ASAP1: variants seen among roughly 807,000 people sequenced by gnomAD.
ASAP1 encodes arf-GAP with SH3 domain, ANK repeat and PH domain-containing protein 1.
ASAP1 carries 43 observed loss-of-function variants against 145.2 expected under a neutral mutation model. The observed-to-expected ratio is 0.30, with a 90% CI of 0.23 to 0.38. The LOEUF (loss-of-function observed/expected upper bound fraction) is 0.38. Ranked by LOEUF, ASAP1 falls within the 10% of genes least tolerant of loss-of-function variation. ASAP1 has a pLI of 1.00. For synonymous variants in ASAP1, 546 were observed against 515.5 expected, an observed-to-expected ratio of 1.06 and a Z score of -0.80; for missense variants, 1,018 against 1,355.3, an observed-to-expected ratio of 0.75 and a Z score of 3.91.
chr8:130,349,981 G>A (rs1274360511), intron 3 of ASAP1, among the ~76,000 whole-genome samples: 1 of 152,154 alleles, frequency 6.6e-6, no homozygotes, highest in Non-Finnish European at 1.5e-5. Flanking sequence ...TACATATATG[G>A]AAACCATCTC....
At chr8:130,261,369 T>C (rs1316708384) in intron 3 of ASAP1, among the ~76,000 whole-genome samples, 2 of 152,244 alleles carry the variant, frequency 1.3e-5, no homozygotes, top group Non-Finnish European at 1.5e-5. Context: ...AGGGCATTTC[T>C]GCCTATATGC....
chr8:130,061,894 A>T lies in ASAP1; in HGVS notation c.2702-825T>A, dbSNP rs142685548. On this transcript the variant is annotated intron_variant, in intron 27 of 29. Coordinates refer to ENST00000518721, the MANE Select transcript of ASAP1 (RefSeq NM_018482.4). Reference sequence around the variant, plus strand: ...GCTCTTTGTACAGCTCTTGGTACTTAGAAAACTATGGACATGTCTCCAATT... The same window carrying T: ...GCTCTTTGTACAGCTCTTGGTACTTTGAAAACTATGGACATGTCTCCAATT... 3.8e-3 allele frequency among the ~76,000 whole-genome samples: 578 copies of T among 152,324 alleles called. 4 individuals are homozygous for T. Among genetic ancestry groups the T allele is most frequent in the Non-Finnish European group, 5.8e-3 (394 of 68,034 alleles).
chr8:130,115,482 C>G (rs936785348), intron 23 of ASAP1, 146 bp downstream of exon 23: 12 of 670,116 alleles, frequency 1.8e-5, no homozygotes, highest in Non-Finnish European at 2.9e-5. Flanking sequence ...AAATGGTGCC[C>G]AATAAGGACT....
At chr8:130,349,117 G>C (rs1255198729) in intron 3 of ASAP1, among the ~76,000 whole-genome samples, 1 of 152,218 alleles carries the variant, frequency 6.6e-6, no homozygotes, top group African/African-American at 2.4e-5. Context: ...CCTTACTTCA[G>C]AGAGTACAGA....
At position 130,116,968 on chromosome 8, in the gene ASAP1, C is replaced by T; in HGVS notation, c.1908G>A (p.Leu636=). The T allele has an allele frequency of 6.2e-7, 1 of 1,610,666 alleles. No homozygotes were observed. ...TACAGTAGTGTAGAACTGTGTTTCC[C>T]AGGGCCGTCTGCTTATCCAGGTTCC... ...NCGNLDKQTA[L]GNTVLHYCSM... is the part of the protein sequence containing the mutation. The change falls in exon 21 of 30, where the codon CTG becomes CTA. Residue 636 remains leucine, a synonymous_variant. Transcript: ENST00000518721.
intron 5 of ASAP1, among the ~76,000 whole-genome samples, chr8:130,202,493 A>G (rs1815931063): frequency 6.6e-6 from 1 of 152,218 alleles, no homozygotes; most frequent in Non-Finnish European, 1.5e-5. Flanking sequence ...AACACACTTC[A>G]TAGGAAGTTT....
intron 4 of ASAP1, 90 bp from the exon 5 acceptor site, chr8:130,214,791 A>T: frequency 3.6e-6 from 4 of 1,105,552 alleles, no homozygotes; most frequent in Non-Finnish European, 5.1e-6. Flanking sequence ...CGAATTCTCA[A>T]AATGGAAGCA....
chr8:130,216,327 T>C (rs1816928207), intron 4 of ASAP1, among the ~76,000 whole-genome samples: 2 of 152,244 alleles, frequency 1.3e-5, no homozygotes, highest in Non-Finnish European at 1.5e-5. Flanking sequence ...ATGAGAAACA[T>C]TAATTTGTGA....
chr8:130,130,205 T>C (rs1014039623), intron 15 of ASAP1, among the ~76,000 whole-genome samples: 1 of 152,228 alleles, frequency 6.6e-6, no homozygotes, highest in Non-Finnish European at 1.5e-5. Context: ...ACTCAACCTG[T>C]AGAATCTTCT....
intron 13 of ASAP1, among the ~76,000 whole-genome samples, chr8:130,146,803 T>C (rs1057389066): frequency 2.0e-5 from 3 of 152,142 alleles, no homozygotes; most frequent in Non-Finnish European, 4.4e-5. Flanking sequence ...CTTGCTTTAG[T>C]GAAATGCCAT....
chr8:130,351,013 T>C (rs1282980194), intron 3 of ASAP1, among the ~76,000 whole-genome samples: 1 of 152,244 alleles, frequency 6.6e-6, no homozygotes, highest in Non-Finnish European at 1.5e-5. Context: ...CTTGCAGCAC[T>C]GTCTTTGATC....
chr8:130,214,522 GT>G, intron 5 of ASAP1, 33 bp downstream of exon 5: 1 of 1,553,380 alleles, frequency 6.4e-7, no homozygotes, highest in Non-Finnish European at 8.7e-7. Context: ...TGGAAAGGCT[GT>G]AATTCTTTTT....
At chr8:130,219,502 A>G (rs1406276326) in intron 4 of ASAP1, among the ~76,000 whole-genome samples, 1 of 152,134 alleles carries the variant, frequency 6.6e-6, no homozygotes, top group African/African-American at 2.4e-5. Context: ...CACAGGAATG[A>G]GTGTTTCTGA....
chr8:130,140,204 A>AT (rs566444299), intron 13 of ASAP1, among the ~76,000 whole-genome samples: 278 of 148,868 alleles, frequency 1.9e-3, no homozygotes, highest in Non-Finnish European at 3.2e-3. Context: ...GGTTATTACT[A>AT]TTTTTTTTTG....
intron 3 of ASAP1, among the ~76,000 whole-genome samples, chr8:130,284,331 A>G (rs1821457843): frequency 6.6e-6 from 1 of 152,228 alleles, no homozygotes; most frequent in Non-Finnish European, 1.5e-5. Flanking sequence ...AGTCAAAACG[A>G]TAAATTGTAT....
intron 4 of ASAP1, among the ~76,000 whole-genome samples, chr8:130,224,098 G>C (rs72722389): frequency 0.021 from 3,269 of 152,104 alleles, 69 homozygotes; most frequent in Non-Finnish European, 0.032. Context: ...TTTGTTATAC[G>C]CCCAGTTCCC....
chr8:130,386,063 C>G (rs767830684), intron 2 of ASAP1, among the ~76,000 whole-genome samples: 24 of 152,206 alleles, frequency 1.6e-4, no homozygotes, highest in Admixed American at 7.2e-4. Flanking sequence ...TTTGCAAAAT[C>G]TTCTGGGAAG....
intron 27 of ASAP1, chr8:130,069,718 T>G (rs1191173101): frequency 6.6e-6 from 1 of 152,116 alleles, no homozygotes; most frequent in East Asian, 1.9e-4. Flanking sequence ...CTCCCAACAT[T>G]AAACGGCCCT....
At chr8:130,202,897 A>G (rs1207607486) in intron 5 of ASAP1, among the ~76,000 whole-genome samples, 1 of 152,196 alleles carries the variant, frequency 6.6e-6, no homozygotes, top group African/African-American at 2.4e-5. Context: ...TTACTGAAAG[A>G]TGTAGTCAGA....
Sources: gnomAD v4.1 joint callset for allele counts (sites outside exome capture counted in the v4.1 genomes callset) on GRCh38, gnomAD v4.1.1 for gene constraint, MANE v1.5 for transcripts, NCBI Gene and HGNC (gene_info 2026-07-23, HGNC 2026-07-21) for gene names.